The following DCC variants were observed in gnomAD, a reference collection of about 807,000 sequenced individuals.
DCC encodes DCC netrin 1 receptor.
DCC carries 58 observed loss-of-function variants against 172.5 expected under a neutral mutation model. The observed-to-expected ratio is 0.34, with a 90% CI of 0.27 to 0.42. DCC has a LOEUF of 0.42. Among genes scored for constraint, DCC ranks in the 10% least tolerant of loss-of-function variants. The pLI is 1.00. For synonymous variants in DCC, 709 were observed against 644.5 expected (o/e 1.10, Z -1.52); for missense variants, 1,740 against 1,791.0 (o/e 0.97, Z 0.51).
At chr18:52,997,705 G>A (rs751652308) in intron 5 of DCC, among the ~76,000 whole-genome samples, 2 of 152,088 alleles carry the variant, frequency 1.3e-5, no homozygotes, top group Non-Finnish European at 2.9e-5. Flanking sequence ...GAAGTGCCTT[G>A]AAAACTAATT....
chr18:52,439,176 G>A (rs12456292), intron 1 of DCC, among the ~76,000 whole-genome samples: 3,052 of 66,096 alleles, frequency 0.046, 97 homozygotes, highest in African/African-American at 0.098. Context: ...GATATGTTTT[G>A]TGTGTGTGTG....
chr18:52,850,507 T>G (rs2038958477), intron 2 of DCC, among the ~76,000 whole-genome samples: 1 of 152,154 alleles, frequency 6.6e-6, no homozygotes, highest in Admixed American at 6.5e-5. Flanking sequence ...TCTGCTTTAT[T>G]ATGTAATCTC....
chr18:53,235,452 C>A (rs926642338), intron 12 of DCC, among the ~76,000 whole-genome samples: 2 of 152,112 alleles, frequency 1.3e-5, no homozygotes, highest in Admixed American at 1.3e-4. Flanking sequence ...GTCACTATTT[C>A]TTTCTGCAGA....
At chr18:53,377,461 G>T (rs1421330209) in intron 15 of DCC, among the ~76,000 whole-genome samples, 2 of 151,622 alleles carry the variant, frequency 1.3e-5, no homozygotes, top group African/African-American at 4.8e-5. Flanking sequence ...TACAATAGCA[G>T]CATTAATCCA....
chr18:52,791,618 T>G (rs931028668), intron 2 of DCC, among the ~76,000 whole-genome samples: 11 of 152,176 alleles, frequency 7.2e-5, no homozygotes, highest in African/African-American at 2.6e-4. Flanking sequence ...CCTCTGCTTG[T>G]GATTTTGCTT....
chr18:53,126,930 C>T lies in DCC; in HGVS notation c.1262-30426C>T, dbSNP rs75545721. Among the ~76,000 whole-genome samples the T allele has an allele frequency of 3.2e-4, 48 of 152,176 alleles. No homozygotes were observed. The East Asian group carries it at 8.2e-3, about 26-fold the overall frequency. On this transcript the variant is annotated intron_variant, in intron 7 of 28. Coordinates refer to ENST00000442544, the MANE Select transcript of DCC (RefSeq NM_005215.4). ...TTATCACACACCCAGTACTTTTATG[C>T]CAAATATGCCTGGGTTTATGCAATT...
chr18:52,587,676 C>T (rs2033706732), intron 1 of DCC, among the ~76,000 whole-genome samples: 1 of 152,202 alleles, frequency 6.6e-6, no homozygotes, highest in Admixed American at 6.5e-5. Flanking sequence ...CAAAGTTCTG[C>T]CCATTGGGAA....
chr18:52,556,468 A>T (rs958826718), intron 1 of DCC, among the ~76,000 whole-genome samples: 1 of 152,118 alleles, frequency 6.6e-6, no homozygotes, highest in Non-Finnish European at 1.5e-5. Context: ...TGGTAAATAG[A>T]TGGAGAGAAC....
intron 1 of DCC, among the ~76,000 whole-genome samples, chr18:52,540,152 T>C (rs961527066): frequency 1.3e-5 from 2 of 152,224 alleles, no homozygotes; most frequent in Admixed American, 6.5e-5. Context: ...TTATCATTGC[T>C]TGGCCTGGAG....
chr18:52,499,486 G>C (rs560741318), intron 1 of DCC, among the ~76,000 whole-genome samples: 1 of 152,064 alleles, frequency 6.6e-6, no homozygotes, highest in Non-Finnish European at 1.5e-5. Context: ...TCTACTTTTT[G>C]GATGCAATAA....
At chr18:52,509,072 A>G (rs1208953938) in intron 1 of DCC, among the ~76,000 whole-genome samples, 1 of 152,242 alleles carries the variant, frequency 6.6e-6, no homozygotes, top group African/African-American at 2.4e-5. Flanking sequence ...TAAGTGTGGA[A>G]GAACTTGAAT....
At chr18:52,778,387 C>T (rs912116949) in intron 2 of DCC, among the ~76,000 whole-genome samples, 7 of 152,058 alleles carry the variant, frequency 4.6e-5, no homozygotes, top group Admixed American at 6.5e-5. Context: ...TTTGCATTGT[C>T]TTATAATGCC....
intron 1 of DCC, among the ~76,000 whole-genome samples, chr18:52,665,185 A>G (rs77150137): frequency 0.046 from 6,991 of 152,146 alleles, 246 homozygotes; most frequent in South Asian, 0.15. Context: ...ATTGAGTTTG[A>G]TGTGTGGTTT....
At chr18:52,853,586 C>G (rs977833054) in intron 2 of DCC, among the ~76,000 whole-genome samples, 1 of 152,130 alleles carries the variant, frequency 6.6e-6, no homozygotes, top group Non-Finnish European at 1.5e-5. Context: ...GATGCTGTCA[C>G]GATTTCTCTG....
At chr18:52,498,788 T>C (rs557979833) in intron 1 of DCC, among the ~76,000 whole-genome samples, 10 of 152,276 alleles carry the variant, frequency 6.6e-5, no homozygotes, top group Middle Eastern at 3.4e-3. Context: ...TCACAGGATA[T>C]AGAAAGAAAC....
chr18:53,500,525 A>G (rs1312938507), intron 27 of DCC, among the ~76,000 whole-genome samples: 1 of 152,000 alleles, frequency 6.6e-6, no homozygotes, highest in African/African-American at 2.4e-5. Flanking sequence ...AAGCCACATA[A>G]TGACTGTAAA....
chr18:52,463,016 G>A (rs755807925), intron 1 of DCC, among the ~76,000 whole-genome samples: 2 of 152,180 alleles, frequency 1.3e-5, no homozygotes, highest in East Asian at 1.9e-4. Context: ...TGTCCACTGC[G>A]ATGGCTGCCA....
At chr18:52,879,412 C>CTTTTTATTTTTTTTTTTTTTTTTTTT (rs2039448509) in intron 2 of DCC, among the ~76,000 whole-genome samples, 1 of 62,356 alleles carries the variant, frequency 1.6e-5, no homozygotes, top group Non-Finnish European at 2.9e-5. Flanking sequence ...TGTTGTTTGG[C>CTTTTTATTTTTTTTTTTTTTTTTTTT]TTTTTTTTTT....
intron 1 of DCC, among the ~76,000 whole-genome samples, chr18:52,743,565 C>G (rs1035344779): frequency 1.3e-5 from 2 of 152,168 alleles, no homozygotes; most frequent in Non-Finnish European, 2.9e-5. Flanking sequence ...GTTACTCTCC[C>G]GCTCCAACTT....
Sources: gnomAD v4.1 joint callset for allele counts (sites outside exome capture counted in the v4.1 genomes callset) on GRCh38, gnomAD v4.1.1 for gene constraint, MANE v1.5 for transcripts, NCBI Gene and HGNC (gene_info 2026-07-23, HGNC 2026-07-21) for gene names.